Variants in CSMD1 observed in about 807,000 individuals in gnomAD.
CSMD1 encodes the protein CUB and Sushi multiple domains 1.
In CSMD1, 213 loss-of-function variants were observed where a neutral mutation model predicts 417.5. That is an observed-to-expected ratio of 0.51 (90% CI 0.46 to 0.57). The LOEUF (loss-of-function observed/expected upper bound fraction) is 0.57, where lower values mean the gene tolerates loss of function less well. Ranked by LOEUF, CSMD1 falls within the 20% of genes least tolerant of loss-of-function variation. The pLI is 0.00. For synonymous variants in CSMD1, 2,862 were observed against 1,736.8 expected, an observed-to-expected ratio of 1.65 and a Z score of -16.11; for missense variants, 6,923 against 4,529.7, an observed-to-expected ratio of 1.53 and a Z score of -15.17.
intron 26 of CSMD1, among the ~76,000 whole-genome samples, chr8:3,230,986 C>G (rs547600343): frequency 1.3e-5 from 2 of 152,230 alleles, no homozygotes; most frequent in African/African-American, 4.8e-5. Flanking sequence ...TTCTGGTAAT[C>G]ATGTGTAAAG....
intron 6 of CSMD1, among the ~76,000 whole-genome samples, chr8:3,715,077 C>T (rs970908634): frequency 6.6e-6 from 1 of 152,118 alleles, no homozygotes; most frequent in South Asian, 2.1e-4. Flanking sequence ...CAAATTTTAA[C>T]ATTTCTTCAT....
At chr8:4,978,605 G>A (rs1363738502) in intron 1 of CSMD1, among the ~76,000 whole-genome samples, 7 of 152,136 alleles carry the variant, frequency 4.6e-5, no homozygotes, top group Admixed American at 4.6e-4. Flanking sequence ...ACACTCAAAA[G>A]TAGCCTCTGG....
At chr8:4,764,131 C>A (rs887854065) in intron 1 of CSMD1, among the ~76,000 whole-genome samples, 1 of 152,160 alleles carries the variant, frequency 6.6e-6, no homozygotes, top group South Asian at 2.1e-4. Flanking sequence ...TGAGATTTCG[C>A]ATTATTCTTG....
Position 4,794,562 on chromosome 8 carries a change from C to A in CSMD1, c.86-157004G>T, listed in dbSNP as rs530217067. Among the ~76,000 whole-genome samples, 4 of 152,290 alleles carry A rather than the reference C, an allele frequency of 2.6e-5. No individual in the cohort carries two copies. The East Asian group carries it at 5.8e-4, about 22-fold the overall frequency. On this transcript the variant is annotated intron_variant, in intron 1 of 69. Coordinates refer to ENST00000635120, the MANE Select transcript of CSMD1 (RefSeq NM_033225.6). The stretch of plus-strand genomic sequence containing the variant: ...TCCCTCCCCCACGTCCACCTATGTG[C>A]TGAGAGATTCTTCCCCTTCTCTCAC...
At chr8:4,602,473 C>T (rs1031075480) in intron 2 of CSMD1, among the ~76,000 whole-genome samples, 1 of 152,100 alleles carries the variant, frequency 6.6e-6, no homozygotes, top group African/African-American at 2.4e-5. Context: ...TTTAATATGG[C>T]CAGAGCTGTC....
intron 1 of CSMD1, among the ~76,000 whole-genome samples, chr8:4,655,288 A>C (rs1012668712): frequency 6.6e-6 from 1 of 152,110 alleles, no homozygotes; most frequent in Non-Finnish European, 1.5e-5. Flanking sequence ...CCATGCTGCT[A>C]TCCTGGCTGC....
chr8:3,728,418 C>G (rs1422022780), intron 6 of CSMD1, among the ~76,000 whole-genome samples: 2 of 152,170 alleles, frequency 1.3e-5, no homozygotes, highest in African/African-American at 4.8e-5. Context: ...TGAAAACAGA[C>G]TAATACAACA....
At chr8:3,301,549 T>C (rs1195625415) in intron 25 of CSMD1, among the ~76,000 whole-genome samples, 2 of 151,996 alleles carry the variant, frequency 1.3e-5, no homozygotes, top group Admixed American at 1.3e-4. Context: ...CCCTAAGAGA[T>C]GGGAAGAAAC....
chr8:4,292,973 AC>A (rs1797454276), intron 3 of CSMD1, among the ~76,000 whole-genome samples: 1 of 152,230 alleles, frequency 6.6e-6, no homozygotes. Context: ...GAGGCAAAAG[AC>A]GTGAACAGTC....
chr8:3,611,968 T>C (rs2117141250), intron 8 of CSMD1, among the ~76,000 whole-genome samples: 1 of 152,304 alleles, frequency 6.6e-6, no homozygotes, highest in Non-Finnish European at 1.5e-5. Flanking sequence ...TTTGTTATAG[T>C]ATCAAATAAT....
At chr8:4,311,824 T>G (rs1001525359) in intron 3 of CSMD1, among the ~76,000 whole-genome samples, 1 of 148,170 alleles carries the variant, frequency 6.7e-6, no homozygotes, top group East Asian at 2.0e-4. Flanking sequence ...TGGTGGAGAG[T>G]GCGAAGGAGA....
intron 5 of CSMD1, among the ~76,000 whole-genome samples, chr8:3,979,165 C>G (rs938383690): frequency 6.6e-6 from 1 of 152,218 alleles, no homozygotes; most frequent in African/African-American, 2.4e-5. Context: ...TTTACAACAC[C>G]TGTGAGATCT....
chr8:3,091,807 G>C (rs1210232462), intron 47 of CSMD1, 145 bp from the exon 48 acceptor site: 1 of 619,378 alleles, frequency 1.6e-6, no homozygotes, highest in Non-Finnish European at 2.6e-6. Context: ...AATTCCAAAT[G>C]GCTATAGTGA....
intron 1 of CSMD1, among the ~76,000 whole-genome samples, chr8:4,872,273 C>T (rs1469439432): frequency 2.0e-5 from 3 of 152,090 alleles, no homozygotes; most frequent in Non-Finnish European, 4.4e-5. Context: ...TGCAATACTG[C>T]CTGATATGGT....
intron 3 of CSMD1, among the ~76,000 whole-genome samples, chr8:4,052,487 C>T (rs1256040045): frequency 6.6e-6 from 1 of 152,104 alleles, no homozygotes; most frequent in Non-Finnish European, 1.5e-5. Context: ...TACCCAGGGT[C>T]AGAGTGCAGT....
chr8:3,991,270 G>C (rs1205579240), intron 5 of CSMD1, among the ~76,000 whole-genome samples: 1 of 152,218 alleles, frequency 6.6e-6, no homozygotes, highest in Admixed American at 6.5e-5. Flanking sequence ...AGCTGGTATT[G>C]AAAGAAGTTC....
intron 5 of CSMD1, among the ~76,000 whole-genome samples, chr8:3,891,195 G>A (rs1047616981): frequency 2.0e-5 from 3 of 151,968 alleles, no homozygotes; most frequent in Non-Finnish European, 2.9e-5. Flanking sequence ...ACAGGCATGT[G>A]CCATCATGCC....
intron 5 of CSMD1, among the ~76,000 whole-genome samples, chr8:3,929,395 G>A (rs769872330): frequency 1.3e-5 from 2 of 150,396 alleles, no homozygotes; most frequent in African/African-American, 2.5e-5. Flanking sequence ...ACAGCCAAGG[G>A]TGACAATGTA....
intron 1 of CSMD1, among the ~76,000 whole-genome samples, chr8:4,990,687 G>A (rs1584958766): frequency 6.6e-6 from 1 of 152,066 alleles, no homozygotes; most frequent in African/African-American, 2.4e-5. Flanking sequence ...TGGGGATTAG[G>A]GGTTTCCTGC....
Sources: allele counts gnomAD v4.1 joint callset (sites outside exome capture counted in the v4.1 genomes callset), GRCh38; gene constraint gnomAD v4.1.1; transcripts MANE v1.5; gene names NCBI Gene and HGNC (gene_info 2026-07-23, HGNC 2026-07-21).